Variants in PAIP2 observed in about 807,000 individuals in gnomAD.
The protein encoded by PAIP2 is polyadenylate-binding protein-interacting protein 2.
A neutral mutation model predicts 14.8 loss-of-function variants in PAIP2; 7 were observed. The observed-to-expected ratio is 0.47, with a 90% CI of 0.27 to 0.89. The LOEUF is 0.89. Among genes scored for constraint, PAIP2 ranks in the 40% least tolerant of loss-of-function variants. The probability of loss-of-function intolerance (pLI) is 0.13; values close to 1 mark genes in which losing one functional copy is unlikely to be tolerated. For synonymous variants in PAIP2, 47 were observed against 45.3 expected (o/e 1.04, Z -0.15); for missense variants, 122 against 154.7 (o/e 0.79, Z 1.12).
intron 1 of PAIP2, among the ~76,000 whole-genome samples, chr5:139,352,052 T>A (rs1756749778): frequency 1.3e-5 from 2 of 152,094 alleles, no homozygotes; most frequent in Non-Finnish European, 2.9e-5. Flanking sequence ...CATCCCAGTT[T>A]GAAAATTTGA....
Position 139,369,455 on chromosome 5 carries a change from T to C in PAIP2, c.*657T>C, listed in dbSNP as rs1429185348. 6.6e-6 allele frequency: 1 copy of C among 152,266 alleles called. No individual in the cohort carries two copies. The highest frequency in any genetic ancestry group is 1.5e-5 in the Non-Finnish European group (1 of 68,014). The allele number at this position is 152,266 out of a possible 1,614,324, so 9.4% of individuals were successfully genotyped here. On this transcript the variant is annotated 3_prime_UTR_variant, in exon 4 of 4. Coordinates refer to ENST00000265192, the MANE Select transcript of PAIP2 (RefSeq NM_016480.5). ...CTATGCCTGTATGGAGTCTAACATA[T>C]GACCAATACCAACCCATAATCCAGC...
chr5:139,357,785 T>A (rs1756957981), intron 1 of PAIP2, among the ~76,000 whole-genome samples: 1 of 152,150 alleles, frequency 6.6e-6, no homozygotes, highest in Admixed American at 6.6e-5. Context: ...GAGCTGAGAT[T>A]ACGCGACTAC....
intron 1 of PAIP2, among the ~76,000 whole-genome samples, chr5:139,353,416 G>C (rs902290644): frequency 3.3e-5 from 5 of 152,066 alleles, no homozygotes; most frequent in African/African-American, 1.2e-4. Context: ...GGCTATTTCT[G>C]AATAGGATGA....
intron 3 of PAIP2, 182 bp downstream of exon 3, chr5:139,364,925 A>C (rs1262249019): frequency 4.4e-6 from 2 of 453,472 alleles, no homozygotes; most frequent in Non-Finnish European, 7.8e-6. Flanking sequence ...CAGGCAGTTG[A>C]CTTGAGGTCA....
At chr5:139,350,628 C>A (rs1469799485) in intron 1 of PAIP2, among the ~76,000 whole-genome samples, 2 of 148,534 alleles carry the variant, frequency 1.3e-5, no homozygotes, top group African/African-American at 4.9e-5. Context: ...GAGACTCTGT[C>A]TCAAAAAAAT....
At chr5:139,353,385 A>G (rs1038480750) in intron 1 of PAIP2, among the ~76,000 whole-genome samples, 1 of 152,068 alleles carries the variant, frequency 6.6e-6, no homozygotes, top group Non-Finnish European at 1.5e-5. Flanking sequence ...GACTCTTAGG[A>G]TGTTAAAGAC....
At chr5:139,359,016 C>T (rs1287354216) in intron 1 of PAIP2, among the ~76,000 whole-genome samples, 1 of 152,088 alleles carries the variant, frequency 6.6e-6, no homozygotes, top group East Asian at 1.9e-4. Context: ...GCTCTGTTGC[C>T]CAGGCTGGAA....
intron 1 of PAIP2, among the ~76,000 whole-genome samples, chr5:139,353,437 C>T (rs779704752): frequency 3.3e-5 from 5 of 152,062 alleles, no homozygotes; most frequent in Non-Finnish European, 5.9e-5. Flanking sequence ...TGATATACCC[C>T]AGCTGTTGTA....
At chr5:139,342,960 G>A (rs1332027414) in intron 1 of PAIP2, 1 of 152,174 alleles carries the variant, frequency 6.6e-6, no homozygotes, top group Non-Finnish European at 1.5e-5. Context: ...TTATTTCAAC[G>A]GAAAGTAGAT....
chr5:139,352,481 C>A (rs1756763333), intron 1 of PAIP2, among the ~76,000 whole-genome samples: 1 of 97,474 alleles, frequency 1.0e-5, no homozygotes, highest in African/African-American at 3.1e-5. Flanking sequence ...TCAGTTAATT[C>A]CTGCCAGTTT....
At chr5:139,358,883 A>G (rs1756992219) in intron 1 of PAIP2, among the ~76,000 whole-genome samples, 1 of 152,236 alleles carries the variant, frequency 6.6e-6, no homozygotes, top group Admixed American at 6.5e-5. Context: ...GAGTGACTAC[A>G]GATGGGTATG....
chr5:139,358,326 C>CTAT (rs1331913951), intron 1 of PAIP2, among the ~76,000 whole-genome samples: 1 of 152,172 alleles, frequency 6.6e-6, no homozygotes, highest in Non-Finnish European at 1.5e-5. Context: ...AAATGCAATA[C>CTAT]TATTGTTGCA....
intron 3 of PAIP2, among the ~76,000 whole-genome samples, chr5:139,368,108 G>A (rs1757392615): frequency 1.3e-5 from 2 of 152,192 alleles, no homozygotes; most frequent in African/African-American, 4.8e-5. Context: ...GGCCAAGGCG[G>A]GCGGATCACG....
At chr5:139,354,631 T>C (rs1412481125) in intron 1 of PAIP2, among the ~76,000 whole-genome samples, 1 of 152,160 alleles carries the variant, frequency 6.6e-6, no homozygotes, top group Admixed American at 6.6e-5. Flanking sequence ...GGTAATTCCA[T>C]TGTATATATT....
At chr5:139,346,983 G>T (rs1247375222) in intron 1 of PAIP2, among the ~76,000 whole-genome samples, 2 of 151,870 alleles carry the variant, frequency 1.3e-5, no homozygotes, top group African/African-American at 4.8e-5. Flanking sequence ...CTTAGTTTTT[G>T]TATTACTAGA....
rs745398548 is a variant in PAIP2, at chr5:139,363,907, A to G, written c.123A>G (p.Glu41=). The G allele has an allele frequency of 3.1e-6, 5 of 1,613,746 alleles. No individual in the cohort carries two copies. Among genetic ancestry groups the G allele is most frequent in the Non-Finnish European group, 3.4e-6 (4 of 1,179,772 alleles). The stretch of plus-strand genomic sequence containing the variant: ...AGTACATGTGGATGGAAAATGAAGA[A>G]GAATTCAACAGACAAGTTAGTTTTT... The part of the protein sequence containing the change: ...FAEYMWMENE[E]EFNRQIEEEL... Residue 41 remains glutamate, a synonymous_variant, in exon 2 of 4, where the codon GAA becomes GAG. Transcript: ENST00000265192.
intron 3 of PAIP2, chr5:139,367,284 A>T (rs2152057183): frequency 1.3e-5 from 2 of 152,328 alleles, no homozygotes; most frequent in Admixed American, 6.5e-5. Flanking sequence ...CAGCATACCT[A>T]CATTTCAGGC....
In PAIP2 at chr5:139,364,047, C is replaced by A. The variant is rs561509951; in HGVS notation, c.138+125C>A. On this transcript the variant is annotated intron_variant, in intron 2 of 3. Coordinates refer to ENST00000265192, the MANE Select transcript of PAIP2 (RefSeq NM_016480.5). ...GTATGTAGACTGATGTGCCACCACT[C>A]CTGTTTATTTGGCTGCTGATTACTA... 2.9e-5 allele frequency: 23 copies of A among 789,896 alleles called. No homozygotes were observed. In the South Asian group the frequency reaches 3.9e-4, roughly 13 times the overall value. 48.9% of individuals were successfully genotyped at this position (789,896 alleles called of 1,614,324 possible). A position where few individuals can be genotyped will look rare whatever the true frequency, so the allele number is the denominator to read the frequency against.
intron 3 of PAIP2, among the ~76,000 whole-genome samples, chr5:139,368,271 C>G (rs931415426): frequency 1.3e-5 from 2 of 151,916 alleles, no homozygotes; most frequent in African/African-American, 4.8e-5. Flanking sequence ...ACCCGGGAGG[C>G]GGAGCTTGCA....
Sources: allele counts gnomAD v4.1 joint callset (sites outside exome capture counted in the v4.1 genomes callset), GRCh38; gene constraint gnomAD v4.1.1; transcripts MANE v1.5; gene names NCBI Gene and HGNC (gene_info 2026-07-23, HGNC 2026-07-21).